The following FAM217A variants were observed in gnomAD, a reference collection of about 807,000 sequenced individuals.
FAM217A encodes protein FAM217A.
FAM217A carries 13 observed loss-of-function variants against 18.5 expected under a neutral mutation model. The observed-to-expected ratio is 0.70, with a 90% confidence interval of 0.46 to 1.12. The LOEUF (loss-of-function observed/expected upper bound fraction) is 1.12, where lower values mean the gene tolerates loss of function less well. Among genes scored for constraint, FAM217A ranks in the 50% most tolerant of loss-of-function variants. FAM217A has a pLI of 0.00. For missense variants in FAM217A, 560 were observed against 575.4 expected (o/e 0.97, Z 0.27); for synonymous variants, 161 against 202.8 (o/e 0.79, Z 1.75).
At chr6:4,071,901 A>G (rs927912148) in intron 6 of FAM217A, among the ~76,000 whole-genome samples, 2 of 152,240 alleles carry the variant, frequency 1.3e-5, no homozygotes, top group African/African-American at 4.8e-5. Flanking sequence ...CATGGAACTC[A>G]GGATCCATGA....
At chr6:4,079,874 G>C (rs1207343910), upstream of FAM217A, among the ~76,000 whole-genome samples, 7 of 152,024 alleles carry the variant, frequency 4.6e-5, no homozygotes, top group East Asian at 1.4e-3. Context: ...TTTTCATGTA[G>C]AGGATACATG....
intron 2 of FAM217A, chr6:4,084,445 TG>T: frequency 1.7e-6 from 1 of 597,580 alleles, no homozygotes; most frequent in Non-Finnish European, 3.0e-6. Flanking sequence ...ATTTAAGACT[TG>T]ATTTCTGCAA....
At chr6:4,083,520 A>G (rs372396868), upstream of FAM217A, among the ~76,000 whole-genome samples, 164 of 151,494 alleles carry the variant, frequency 1.1e-3, no homozygotes, top group African/African-American at 3.5e-3. Context: ...GGTCACGTAC[A>G]GCAGAATCTT....
rs770101371 is a variant in FAM217A at position 4,069,460 on chromosome 6, G to A, written c.763C>T (p.Pro255Ser). The change falls in exon 7 of 7, where the codon CCT becomes TCT. Residue 255 changes from proline (P) to serine (S), a missense_variant. Physicochemically the swap from Pro to Ser is moderately conservative, Grantham distance 74. Transcript: ENST00000274673. ...TTGTGCAAGTCTAGAGCACTGAAAG[G>A]AGGAGGGAGAAAATCAGGATATGGA... ...VFPYPDFLPP[P>S]FSALDLHNLA... The A allele has an allele frequency of 3.1e-5, 50 of 1,614,048 alleles. No individual in the cohort carries two copies. The highest frequency in any genetic ancestry group is 4.1e-5 in the Non-Finnish European group (48 of 1,180,034).
At chr6:4,080,377 TC>T (rs1177675638), upstream of FAM217A, among the ~76,000 whole-genome samples, 1 of 152,214 alleles carries the variant, frequency 6.6e-6, no homozygotes, top group East Asian at 1.9e-4. Context: ...TGTCTGTCTC[TC>T]CCCAGTAGAA....
Position 4,073,338 on chromosome 6 carries a change from C to T in FAM217A, c.239G>A (p.Ser80Asn). The change falls in exon 6 of 7, where the codon AGT becomes AAT. Residue 80 changes from serine (S) to asparagine (N), a missense_variant. Coordinates refer to ENST00000274673, the MANE Select transcript of FAM217A (RefSeq NM_173563.3). Reference protein sequence around the residue: ...SVHSQKSTQNSKQGIFQLWNC... With the variant: ...SVHSQKSTQNNKQGIFQLWNC... ...CCATAATTGAAAGATCCCTTGTTTA[C>T]TATTCTGATGACAGAAAAATAATGG... 1 of 1,609,040 alleles carries T rather than the reference C, an allele frequency of 6.2e-7. No individual in the cohort carries two copies. The highest frequency in any genetic ancestry group is 1.1e-5 in the South Asian group (1 of 90,032).
rs1476122370 is a variant in FAM217A, at chr6:4,084,430, TTTTGA to T, written c.251+143_251+147del. On this transcript the variant is annotated intron_variant, in intron 2 of 8. Coordinates refer to the FAM217A transcript ENST00000639338. ...TCTCAATCATATATTTTCTCCTTTA[TTTTGA>T]TTTAAGACTTGATTTCTGCAATTTG... 29 of 593,294 alleles carry T rather than the reference TTTTGA, an allele frequency of 4.9e-5. No homozygotes were observed. The African/African-American group carries it at 5.0e-4, about 10-fold the overall frequency. 36.8% of individuals were successfully genotyped at this position (593,294 alleles called of 1,614,324 possible).
rs767288131 is a variant in FAM217A, at chr6:4,077,485, G to C, written c.-34-37C>G. 7 of 1,469,430 alleles carry C rather than the reference G, an allele frequency of 4.8e-6. 1 individual carries two copies. The South Asian group carries it at 7.9e-5, about 17-fold the overall frequency. The allele number at this position is 1,469,430 out of a possible 1,614,324, so 91.0% of individuals were successfully genotyped here. A position where few individuals can be genotyped will look rare whatever the true frequency, so the allele number is the denominator to read the frequency against. ...GCGGGATAGGCACATTTATGGGTAA[G>C]GGTCAACATTTATAAAAAAGAAAGT... On this transcript the variant is annotated intron_variant, in intron 1 of 6. Coordinates refer to ENST00000274673, the MANE Select transcript of FAM217A (RefSeq NM_173563.3).
chr6:4,073,241 A>G (rs780136498), intron 6 of FAM217A, 34 bp downstream of exon 6: 1 of 1,466,230 alleles, frequency 6.8e-7, no homozygotes, highest in South Asian at 1.2e-5. Flanking sequence ...TTATTTCAGT[A>G]ATTTAGGGTG....
Position 4,068,525 on chromosome 6 carries a change from A to G in FAM217A, c.*171T>C. 1.6e-6 allele frequency: 1 copy of G among 618,016 alleles called. No homozygotes were observed. Among genetic ancestry groups the G allele is most frequent in the Non-Finnish European group, 2.7e-6 (1 of 374,450 alleles). The allele number at this position is 618,016 out of a possible 1,614,324, so 38.3% of individuals were successfully genotyped here. On this transcript the variant is annotated 3_prime_UTR_variant, in exon 7 of 7. Transcript: ENST00000274673. ...AGTATAGAAGCCTGTGGGTTTATAT[A>G]TAGACATCTCAGCAGTGCTTTTCAC... is the stretch of plus-strand genomic sequence containing the variant.
upstream of FAM217A, among the ~76,000 whole-genome samples, chr6:4,083,557 C>CT (rs71001554): frequency 3.2e-3 from 447 of 139,888 alleles, 5 homozygotes; most frequent in Admixed American, 0.019. Flanking sequence ...CTTTTCTTTT[C>CT]TTTTTTTTTT....
In FAM217A at chr6:4,068,552, A is replaced by G; in HGVS notation, c.*144T>C. 1 of 829,524 alleles carries G rather than the reference A, an allele frequency of 1.2e-6. No homozygotes were observed. The highest frequency in any genetic ancestry group is 1.8e-6 in the Non-Finnish European group (1 of 549,498). 51.4% of individuals were successfully genotyped at this position (829,524 alleles called of 1,614,324 possible). On this transcript the variant is annotated 3_prime_UTR_variant, in exon 7 of 7. Coordinates refer to ENST00000274673, the MANE Select transcript of FAM217A (RefSeq NM_173563.3). Reference sequence around the variant, plus strand: ...AGACATCTCAGCAGTGCTTTTCACAAGTTCTACTCCATATCACATCAAGCA... The same window carrying G: ...AGACATCTCAGCAGTGCTTTTCACAGGTTCTACTCCATATCACATCAAGCA...
intron 2 of FAM217A, among the ~76,000 whole-genome samples, chr6:4,076,375 T>C (rs1769797684): frequency 6.6e-6 from 1 of 151,862 alleles, no homozygotes; most frequent in South Asian, 2.1e-4. Flanking sequence ...GGCCCAGTTA[T>C]TTGTATTTTA....
upstream of FAM217A, chr6:4,079,213 T>TCGCGGGCCGCGGGGTCGC (rs1770085056): frequency 3.8e-6 from 1 of 264,530 alleles, no homozygotes; most frequent in Non-Finnish European, 7.1e-6. Flanking sequence ...CCACGCGTAT[T>TCGCGGGCCGCGGGGTCGC]CGCGGGCCGC....
In FAM217A at chr6:4,069,639, A is replaced by T; in HGVS notation, c.584T>A (p.Val195Glu). The change falls in exon 7 of 7, where the codon GTG becomes GAG. Residue 195 changes from valine to glutamate, a missense_variant. Coordinates refer to ENST00000274673, the MANE Select transcript of FAM217A (RefSeq NM_173563.3). The part of the protein sequence containing the change: ...NWNLKHGNSS[V>E]EENFTDESDL... Reference sequence around the variant, plus strand: ...ACTTTCATCTGTGAAATTTTCTTCCACACTGCTGTTTCCATGTTTCAAATT... The same window carrying T: ...ACTTTCATCTGTGAAATTTTCTTCCTCACTGCTGTTTCCATGTTTCAAATT... 1 of 1,614,166 alleles carries T rather than the reference A, an allele frequency of 6.2e-7. No individual in the cohort carries two copies. Among genetic ancestry groups the T allele is most frequent in the Middle Eastern group, 1.7e-4 (1 of 6,058 alleles).
Position 4,069,096 on chromosome 6 carries a change from T to C in FAM217A, c.1127A>G (p.Lys376Arg). The C allele has an allele frequency of 8.1e-6, 13 of 1,614,210 alleles. No individual in the cohort carries two copies. The highest frequency in any genetic ancestry group is 1.1e-5 in the Non-Finnish European group (13 of 1,180,034). Residue 376 changes from lysine to arginine, a missense_variant, in exon 7 of 7, where the codon AAA becomes AGA. By Grantham distance (26) the Lys-to-Arg change is conservative. Transcript: ENST00000274673. ...CAGTGGTCTAGAATTCCATCTATAT[T>C]TGCCAGCATTGCTCCAATTCCGTTT... is the stretch of plus-strand genomic sequence containing the variant. ...ALKRNWSNAG[K>R]YRWNSRPLSL...
At chr6:4,087,180 C>A (rs1235092722), upstream of FAM217A, 5 of 525,456 alleles carry the variant, frequency 9.5e-6, no homozygotes. Flanking sequence ...TGGGAAAATA[C>A]CACTGGATAC....
rs572305863 is a variant in FAM217A, at chr6:4,076,624, ATCCC to A, written c.60+727_60+730del. ...CCAGGCATGGTAGCTCACACCTGTA[ATCCC>A]AGCACTTTGGAAAGCCAAGGCGGGT... is the stretch of plus-strand genomic sequence containing the variant. On this transcript the variant is annotated intron_variant, in intron 2 of 6. Transcript: ENST00000274673. Among the ~76,000 whole-genome samples the A allele has an allele frequency of 2.7e-3, 404 of 152,300 alleles. 1 individual carries two copies. Among genetic ancestry groups the A allele is most frequent in the African/African-American group, 9.3e-3 (387 of 41,558 alleles).
At chr6:4,073,531 A>G in intron 4 of FAM217A, 24 bp from the exon 5 acceptor site, 1 of 1,572,382 alleles carries the variant, frequency 6.4e-7, no homozygotes, top group Non-Finnish European at 8.7e-7. Context: ...GAAGACTTTT[A>G]AACATAATAT....
Sources: gnomAD v4.1 joint callset for allele counts (sites outside exome capture counted in the v4.1 genomes callset) on GRCh38, gnomAD v4.1.1 for gene constraint, MANE v1.5 for transcripts, NCBI Gene and HGNC (gene_info 2026-07-23, HGNC 2026-07-21) for gene names.